The following ADAMTS20 variants were observed in gnomAD, a reference collection of about 807,000 sequenced individuals.
ADAMTS20 encodes ADAM metallopeptidase with thrombospondin type 1 motif 20, also known as A disintegrin and metalloproteinase with thrombospondin motifs 20.
ADAMTS20 carries 225 observed loss-of-function variants against 260.1 expected under a neutral mutation model. That is an observed-to-expected ratio of 0.87 (90% CI 0.78 to 0.97). ADAMTS20 has a LOEUF of 0.97. ADAMTS20 is among the 50% of genes least tolerant of loss of function. The pLI is 0.00. For synonymous variants in ADAMTS20, 802 were observed against 769.5 expected (o/e 1.04, Z -0.70); for missense variants, 2,400 against 2,337.7 (o/e 1.03, Z -0.55).
At chr12:43,505,791 G>C (rs1459322119) in intron 3 of ADAMTS20, among the ~76,000 whole-genome samples, 1 of 152,102 alleles carries the variant, frequency 6.6e-6, no homozygotes, top group Non-Finnish European at 1.5e-5. Context: ...AATCCTACTG[G>C]GGTAAATATC....
In ADAMTS20 at chr12:43,439,742, C is replaced by T; in HGVS notation, c.2473G>A (p.Val825Met). The T allele has an allele frequency of 6.2e-7, 1 of 1,608,314 alleles. No individual in the cohort carries two copies. The highest frequency in any genetic ancestry group is 8.5e-7 in the Non-Finnish European group (1 of 1,177,558). ...EKELILQVLC[V>M]GNLYNPDVHY... is the part of the protein sequence containing the mutation. ...ACATCAGGGTTGTATAAATTACCCACACACAACACCTCAATAAGAATATAA... is the reference window on the plus strand; with the variant it reads ...ACATCAGGGTTGTATAAATTACCCATACACAACACCTCAATAAGAATATAA... Residue 825 changes from valine to methionine, a missense_variant, in exon 18 of 39, where the codon GTG becomes ATG. Val to Met is a conservative substitution (Grantham distance 21). Transcript: ENST00000389420.
chr12:43,503,012 T>C (rs1942790108), intron 3 of ADAMTS20, among the ~76,000 whole-genome samples: 2 of 152,284 alleles, frequency 1.3e-5, no homozygotes, highest in African/African-American at 2.4e-5. Flanking sequence ...TGCTTATATA[T>C]AAATACTGCA....
At chr12:43,508,627 T>C (rs192749396) in intron 3 of ADAMTS20, among the ~76,000 whole-genome samples, 1 of 152,276 alleles carries the variant, frequency 6.6e-6, no homozygotes, top group East Asian at 1.9e-4. Context: ...AAAAATATTT[T>C]GTAGGTACAT....
intron 36 of ADAMTS20, among the ~76,000 whole-genome samples, chr12:43,375,028 TG>T (rs901701704): frequency 6.6e-6 from 1 of 152,066 alleles, no homozygotes; most frequent in Non-Finnish European, 1.5e-5. Flanking sequence ...AAAAGTTAGC[TG>T]GGCATGGTGG....
At chr12:43,392,016 C>A (rs1378837085) in intron 29 of ADAMTS20, among the ~76,000 whole-genome samples, 1 of 152,130 alleles carries the variant, frequency 6.6e-6, no homozygotes, top group African/African-American at 2.4e-5. Flanking sequence ...TTATGCACAT[C>A]TACATAACTT....
intron 31 of ADAMTS20, 51 bp from the exon 32 acceptor site, chr12:43,377,613 G>T: frequency 6.8e-7 from 1 of 1,472,462 alleles, no homozygotes; most frequent in Non-Finnish European, 9.3e-7. Context: ...TTTAGCCAGG[G>T]CCTAATATTT....
intron 4 of ADAMTS20, among the ~76,000 whole-genome samples, chr12:43,496,627 GA>G (rs1361265231): frequency 6.6e-6 from 1 of 152,088 alleles, no homozygotes; most frequent in Non-Finnish European, 1.5e-5. Flanking sequence ...AAAATGAGTT[GA>G]TTTTTTTTGT....
At chr12:43,508,993 G>A (rs1191383253) in intron 3 of ADAMTS20, among the ~76,000 whole-genome samples, 3 of 151,950 alleles carry the variant, frequency 2.0e-5, no homozygotes, top group South Asian at 2.1e-4. Flanking sequence ...TATAAATATT[G>A]AGAACATAAG....
At chr12:43,484,396 C>T (rs904928057) in intron 7 of ADAMTS20, among the ~76,000 whole-genome samples, 6 of 151,624 alleles carry the variant, frequency 4.0e-5, no homozygotes, top group Non-Finnish European at 8.8e-5. Flanking sequence ...CAAGGAGATA[C>T]AATAGAGAGG....
At chr12:43,459,840 G>A (rs1319618025) in intron 11 of ADAMTS20, among the ~76,000 whole-genome samples, 1 of 152,098 alleles carries the variant, frequency 6.6e-6, no homozygotes, top group Non-Finnish European at 1.5e-5. Context: ...AAAAATTTAA[G>A]TAATCCTTAC....
Position 43,522,484 on chromosome 12 carries a change from T to A in ADAMTS20, c.613+9552A>T, listed in dbSNP as rs369109062. ...TTTATTGCTCTACAAATCCTTTGCA[T>A]CCTAACCCATGACACTGAGATGAGA... On this transcript the variant is annotated intron_variant, in intron 3 of 38. Transcript: ENST00000389420. Among the ~76,000 whole-genome samples the A allele has an allele frequency of 5.3e-5, 8 of 152,184 alleles. No individual in the cohort carries two copies. In the East Asian group the frequency reaches 7.7e-4, roughly 15 times the overall value.
At chr12:43,437,520 C>G (rs1941579491) in intron 18 of ADAMTS20, among the ~76,000 whole-genome samples, 1 of 152,122 alleles carries the variant, frequency 6.6e-6, no homozygotes, top group South Asian at 2.1e-4. Flanking sequence ...TACAACATGT[C>G]ATGTACAAGC....
Position 43,492,485 on chromosome 12 carries a change from G to A in ADAMTS20, c.1076+20C>T, listed in dbSNP as rs781131417. The A allele has an allele frequency of 1.2e-6, 2 of 1,612,172 alleles. No homozygotes were observed. The highest frequency in any genetic ancestry group is 2.7e-5 in the African/African-American group (2 of 74,958). On this transcript the variant is annotated intron_variant, in intron 6 of 38. Coordinates refer to ENST00000389420, the MANE Select transcript of ADAMTS20 (RefSeq NM_025003.5). ...GAAGAGTAAAGGATTGTATGGGAAGGGTTATTTCTATAATCATACCTAGTG... is the reference window on the plus strand; with the variant it reads ...GAAGAGTAAAGGATTGTATGGGAAGAGTTATTTCTATAATCATACCTAGTG...
intron 2 of ADAMTS20, among the ~76,000 whole-genome samples, chr12:43,535,454 T>A (rs1258258296): frequency 1.3e-5 from 2 of 152,254 alleles, no homozygotes; most frequent in East Asian, 3.9e-4. Flanking sequence ...TACATCCTTA[T>A]TATCATTAAC....
At chr12:43,509,451 A>G (rs1169443135) in intron 3 of ADAMTS20, among the ~76,000 whole-genome samples, 1 of 152,144 alleles carries the variant, frequency 6.6e-6, no homozygotes, top group African/African-American at 2.4e-5. Flanking sequence ...AAGTAATTGA[A>G]CAATTTAGAA....
At chr12:43,467,101 G>A (rs1942168590) in intron 8 of ADAMTS20, among the ~76,000 whole-genome samples, 1 of 151,942 alleles carries the variant, frequency 6.6e-6, no homozygotes, top group Non-Finnish European at 1.5e-5. Context: ...GGTTCAACAT[G>A]GATATCCCAT....
intron 21 of ADAMTS20, among the ~76,000 whole-genome samples, chr12:43,431,700 T>C (rs1423559679): frequency 6.6e-6 from 1 of 152,058 alleles, no homozygotes; most frequent in Non-Finnish European, 1.5e-5. Context: ...GAAACATCCA[T>C]TTATCCTAGA....
At chr12:43,420,796 CCTT>C (rs1565689280) in intron 28 of ADAMTS20, among the ~76,000 whole-genome samples, 13 of 82,186 alleles carry the variant, frequency 1.6e-4, no homozygotes, top group African/African-American at 4.4e-4. Context: ...TCCTCCTCCT[CCTT>C]CTTTTTTTTT....
chr12:43,402,590 A>G (rs1275845266), intron 28 of ADAMTS20, among the ~76,000 whole-genome samples: 7 of 152,046 alleles, frequency 4.6e-5, no homozygotes, highest in Admixed American at 1.3e-4. Flanking sequence ...TAGAGTAAAC[A>G]ACTAGTGAAA....
Sources: allele counts gnomAD v4.1 joint callset (sites outside exome capture counted in the v4.1 genomes callset), GRCh38; gene constraint gnomAD v4.1.1; transcripts MANE v1.5; gene names NCBI Gene and HGNC (gene_info 2026-07-23, HGNC 2026-07-21).